The following LUC7L variants were observed in gnomAD, a reference collection of about 807,000 sequenced individuals.
LUC7L encodes putative RNA-binding protein Luc7-like 1.
In LUC7L, 29 loss-of-function variants were observed where a neutral mutation model predicts 51.1. The observed-to-expected ratio is 0.57, with a 90% CI of 0.42 to 0.77. The LOEUF is 0.77. Among genes scored for constraint, LUC7L ranks in the 30% least tolerant of loss-of-function variants. The probability of loss-of-function intolerance (pLI) is 0.00; values close to 1 mark genes in which losing one functional copy is unlikely to be tolerated. For synonymous variants in LUC7L, 181 were observed against 180.7 expected (o/e 1.00, Z -0.01); for missense variants, 403 against 511.9 (o/e 0.79, Z 2.05).
chr16:189,960 G>C lies in LUC7L; in HGVS notation c.974+8C>G, dbSNP rs757293847. ...GGTTGCAGCTACCGAAGGAGTCAGA[G>C]TAGTTACTTGTATTTCGCACTTCGG... is the stretch of plus-strand genomic sequence containing the variant. On this transcript the variant is annotated splice_region_variant and intron_variant, in intron 9 of 9. Coordinates refer to ENST00000293872, the MANE Select transcript of LUC7L (RefSeq NM_201412.3). The C allele has an allele frequency of 2.5e-6, 4 of 1,609,184 alleles. No homozygotes were observed. The Admixed American group carries it at 6.7e-5, about 27-fold the overall frequency.
chr16:221,458 T>C (rs2049966980), intron 2 of LUC7L, among the ~76,000 whole-genome samples: 1 of 151,872 alleles, frequency 6.6e-6, no homozygotes, highest in African/African-American at 2.4e-5. Flanking sequence ...TCCCAGCACT[T>C]TGGGAGGGTG....
chr16:223,280 C>G (rs1363333700), intron 2 of LUC7L, among the ~76,000 whole-genome samples: 1 of 151,958 alleles, frequency 6.6e-6, no homozygotes, highest in Non-Finnish European at 1.5e-5. Context: ...ACCAGAGAGG[C>G]AGAGCTTGCA....
chr16:216,627 G>C (rs561187643), intron 3 of LUC7L, among the ~76,000 whole-genome samples: 1 of 151,914 alleles, frequency 6.6e-6, no homozygotes, highest in Non-Finnish European at 1.5e-5. Flanking sequence ...TGATCTGCCC[G>C]CCTCGGCCTC....
chr16:229,180 G>C, intron 1 of LUC7L, 99 bp downstream of exon 1: 1 of 1,474,036 alleles, frequency 6.8e-7, no homozygotes, highest in Non-Finnish European at 8.9e-7. Context: ...GCCCCGCGCA[G>C]GCGCAGGCGC....
At chr16:212,714 T>C (rs1283883837) in intron 3 of LUC7L, among the ~76,000 whole-genome samples, 1 of 152,170 alleles carries the variant, frequency 6.6e-6, no homozygotes, top group Non-Finnish European at 1.5e-5. Flanking sequence ...AAAGGTTAAT[T>C]ACACTTTTGG....
At chr16:206,175 G>C (rs963037509) in intron 4 of LUC7L, 28 bp from the exon 5 acceptor site, 1 of 1,600,434 alleles carries the variant, frequency 6.2e-7, no homozygotes, top group Admixed American at 1.8e-5. Flanking sequence ...GAGGTAAGCA[G>C]ACATCTGAAA....
At chr16:225,484 C>T (rs1257709240) in intron 2 of LUC7L, among the ~76,000 whole-genome samples, 3 of 103,718 alleles carry the variant, frequency 2.9e-5, no homozygotes, top group African/African-American at 1.0e-4. Flanking sequence ...GAAACTCCGT[C>T]TCTTTTTTTT....
intron 6 of LUC7L, among the ~76,000 whole-genome samples, chr16:198,529 G>C (rs2049226902): frequency 6.6e-6 from 1 of 152,016 alleles, no homozygotes; most frequent in African/African-American, 2.4e-5. Context: ...TGTATTCTGG[G>C]AACAGGCTCT....
At chr16:222,162 T>C (rs1466839100) in intron 2 of LUC7L, among the ~76,000 whole-genome samples, 2 of 152,050 alleles carry the variant, frequency 1.3e-5, no homozygotes, top group Admixed American at 1.3e-4. Flanking sequence ...AAATCCTAAG[T>C]ATAGGACTCT....
At chr16:193,063 G>C (rs762273651) in intron 6 of LUC7L, 48 bp from the exon 7 acceptor site, 4 of 1,403,218 alleles carry the variant, frequency 2.9e-6, no homozygotes, top group Non-Finnish European at 4.0e-6. Flanking sequence ...ACACAAACCA[G>C]AGTGTGAATG....
intron 1 of LUC7L, 105 bp from the exon 2 acceptor site, chr16:227,441 GTGTTCTCCCCATCAAATGCAA>G: frequency 6.6e-7 from 1 of 1,504,794 alleles, no homozygotes. Flanking sequence ...TATCATTTCT[GTGTTCTCCCCATCAAATGCAA>G]TGAAAAGCTG....
chr16:189,400 G>A (rs2048949262), intron 9 of LUC7L, 61 bp from the exon 10 acceptor site: 1 of 1,547,460 alleles, frequency 6.5e-7, no homozygotes, highest in South Asian at 1.2e-5. Context: ...TGGCCGCTCA[G>A]GCACTGACGA....
chr16:198,304 A>G (rs1288374183), intron 6 of LUC7L, among the ~76,000 whole-genome samples: 1 of 149,916 alleles, frequency 6.7e-6, no homozygotes, highest in African/African-American at 2.5e-5. Context: ...AAAAAAAAAA[A>G]AAGTTTTTAA....
chr16:192,843 C>A (rs2142038281), intron 7 of LUC7L, 84 bp downstream of exon 7: 1 of 1,202,970 alleles, frequency 8.3e-7, no homozygotes, highest in Non-Finnish European at 1.2e-6. Flanking sequence ...GCAGGCCCTG[C>A]CTATTCCAAG....
intron 1 of LUC7L, chr16:228,385 G>A (rs993135445): frequency 7.7e-7 from 1 of 1,303,412 alleles, no homozygotes; most frequent in Non-Finnish European, 1.0e-6. Context: ...GATGTAGGCA[G>A]GCAAAGATAC....
intron 4 of LUC7L, among the ~76,000 whole-genome samples, chr16:206,421 C>T (rs1323190066): frequency 2.0e-5 from 3 of 152,170 alleles, no homozygotes; most frequent in Admixed American, 1.3e-4. Context: ...CTCTTTATGA[C>T]TTTTTCTTCT....
intron 7 of LUC7L, among the ~76,000 whole-genome samples, chr16:192,678 T>G (rs2049040780): frequency 6.6e-6 from 1 of 152,172 alleles, no homozygotes; most frequent in South Asian, 2.1e-4. Context: ...AATTTCTGTA[T>G]TTTTAGTAGA....
intron 3 of LUC7L, among the ~76,000 whole-genome samples, chr16:214,075 G>GT (rs200250557): frequency 0.011 from 1,644 of 146,632 alleles, 31 homozygotes; most frequent in African/African-American, 0.037. Context: ...ATGAGCAATT[G>GT]TTTTTTTTTT....
chr16:189,389 C>T, intron 9 of LUC7L, 50 bp from the exon 10 acceptor site: 1 of 1,566,862 alleles, frequency 6.4e-7, no homozygotes, highest in Non-Finnish European at 8.6e-7. Context: ...CCCCCTTCTG[C>T]TGGCCGCTCA....
Sources: gnomAD v4.1 joint callset for allele counts (sites outside exome capture counted in the v4.1 genomes callset) on GRCh38, gnomAD v4.1.1 for gene constraint, MANE v1.5 for transcripts, NCBI Gene and HGNC (gene_info 2026-07-23, HGNC 2026-07-21) for gene names.